GPM6A: variants seen among roughly 807,000 people sequenced by gnomAD.
GPM6A encodes neuronal membrane glycoprotein M6-a.
Under a neutral mutation model 32.1 loss-of-function variants are expected in GPM6A, and 7 were observed. The observed-to-expected ratio is 0.22, with a 90% CI of 0.12 to 0.41. The LOEUF (loss-of-function observed/expected upper bound fraction) is 0.41, where lower values mean the gene tolerates loss of function less well. Ranked by LOEUF, GPM6A falls within the 10% of genes least tolerant of loss-of-function variation. GPM6A has a pLI of 1.00. For missense variants in GPM6A, 235 were observed against 347.2 expected (o/e 0.68, Z 2.57); for synonymous variants, 130 against 123.4 (o/e 1.05, Z -0.35).
intron 1 of GPM6A, among the ~76,000 whole-genome samples, chr4:175,944,086 A>G (rs1272748153): frequency 6.6e-6 from 1 of 152,092 alleles, no homozygotes; most frequent in African/African-American, 2.4e-5. Flanking sequence ...CATGGATTTG[A>G]CTTCTTCCTG....
intron 1 of GPM6A, among the ~76,000 whole-genome samples, chr4:175,982,795 G>T (rs1740856058): frequency 1.3e-5 from 2 of 151,826 alleles, no homozygotes; most frequent in Admixed American, 1.3e-4. Context: ...TTTTATTGAG[G>T]TTGCACTGAA....
At chr4:175,978,476 T>C (rs561401770) in intron 1 of GPM6A, among the ~76,000 whole-genome samples, 2 of 152,172 alleles carry the variant, frequency 1.3e-5, no homozygotes, top group South Asian at 4.1e-4. Context: ...TCTTTTAGAG[T>C]ACCCAAAAAA....
At chr4:175,873,115 G>A (rs951817195) in intron 1 of GPM6A, among the ~76,000 whole-genome samples, 1 of 152,020 alleles carries the variant, frequency 6.6e-6, no homozygotes, top group Non-Finnish European at 1.5e-5. Flanking sequence ...AGATAGATAT[G>A]TTAATTTTCA....
intron 1 of GPM6A, among the ~76,000 whole-genome samples, chr4:175,853,621 G>A (rs905059721): frequency 4.0e-5 from 6 of 150,564 alleles, no homozygotes; most frequent in East Asian, 2.0e-4. Flanking sequence ...CAGTGGAGTC[G>A]TTCTATGCTT....
At chr4:175,770,358 G>T (rs543506722) in intron 1 of GPM6A, among the ~76,000 whole-genome samples, 1 of 152,222 alleles carries the variant, frequency 6.6e-6, no homozygotes, top group South Asian at 2.1e-4. Context: ...CTCTGTGGCT[G>T]CCAGGCTGGC....
chr4:175,839,290 T>C (rs1579556970), intron 1 of GPM6A, among the ~76,000 whole-genome samples: 1 of 152,186 alleles, frequency 6.6e-6, no homozygotes, highest in Non-Finnish European at 1.5e-5. Context: ...ACGAATTCCT[T>C]TGTCAACTGG....
intron 1 of GPM6A, among the ~76,000 whole-genome samples, chr4:175,886,072 G>A (rs1425441625): frequency 6.6e-6 from 1 of 152,090 alleles, no homozygotes; most frequent in Non-Finnish European, 1.5e-5. Flanking sequence ...TCCAAAATGA[G>A]AAAATGTAGA....
chr4:175,774,565 T>C (rs1733318865), intron 1 of GPM6A, among the ~76,000 whole-genome samples: 1 of 152,082 alleles, frequency 6.6e-6, no homozygotes, highest in African/African-American at 2.4e-5. Flanking sequence ...AATACATACA[T>C]TCTTAAGAGA....
chr4:175,740,912 T>G (rs917688448), intron 1 of GPM6A, among the ~76,000 whole-genome samples: 26 of 152,034 alleles, frequency 1.7e-4, no homozygotes, highest in African/African-American at 6.3e-4. Flanking sequence ...GGTAGATCAG[T>G]GCATAAAGAT....
chr4:175,676,294 C>T (rs1743363676), intron 2 of GPM6A, among the ~76,000 whole-genome samples: 1 of 152,112 alleles, frequency 6.6e-6, no homozygotes. Context: ...CCAGCCTTGG[C>T]CTCCTACAGT....
chr4:175,765,379 T>G (rs886073061), intron 1 of GPM6A, among the ~76,000 whole-genome samples: 1 of 152,190 alleles, frequency 6.6e-6, no homozygotes, highest in African/African-American at 2.4e-5. Flanking sequence ...GGAGGGAATC[T>G]CTTAAGAATT....
At chr4:175,921,422 C>T (rs1738661078) in intron 1 of GPM6A, among the ~76,000 whole-genome samples, 1 of 151,886 alleles carries the variant, frequency 6.6e-6, no homozygotes, top group South Asian at 2.1e-4. Context: ...TAATTTTGTT[C>T]ATATATGGAT....
chr4:175,740,042 T>C (rs571870050), intron 1 of GPM6A, among the ~76,000 whole-genome samples: 16 of 152,202 alleles, frequency 1.1e-4, no homozygotes, highest in South Asian at 4.1e-4. Context: ...GTAGAAAATA[T>C]TGTCTCTAAG....
intron 1 of GPM6A, among the ~76,000 whole-genome samples, chr4:175,979,624 C>T (rs200468742): frequency 6.6e-6 from 1 of 151,998 alleles, no homozygotes; most frequent in Non-Finnish European, 1.5e-5. Flanking sequence ...TATAAAAAAA[C>T]TTTATATGGA....
In GPM6A at chr4:175,954,708, A is replaced by G. The variant is rs1247258606; in HGVS notation, c.-23+47601T>C. Among the ~76,000 whole-genome samples the G allele has an allele frequency of 2.6e-5, 4 of 152,202 alleles. No homozygotes were observed. In the East Asian group the frequency reaches 7.7e-4, roughly 29 times the overall value. ...GTTGCACCCGTGTCTTAGCCTTTGT[A>G]GTCCAGCTACATCCCTTTCACAGGG... On this transcript the variant is annotated intron_variant, in intron 1 of 7. Transcript: ENST00000280187.
upstream of GPM6A, chr4:175,813,040 T>G (rs1734990710): frequency 1.0e-6 from 1 of 984,152 alleles, no homozygotes; most frequent in African/African-American, 1.7e-5. Context: ...ATACATGTTT[T>G]AAGTAATTAT....
At chr4:175,704,874 C>A (rs1292933086) in intron 1 of GPM6A, among the ~76,000 whole-genome samples, 3 of 152,074 alleles carry the variant, frequency 2.0e-5, no homozygotes, top group Non-Finnish European at 4.4e-5. Flanking sequence ...GATCCTAGAG[C>A]CTAAAGTTAA....
chr4:175,689,439 T>G (rs1324891797), intron 2 of GPM6A, among the ~76,000 whole-genome samples: 1 of 141,674 alleles, frequency 7.1e-6, no homozygotes. Flanking sequence ...TTAAGTTTAT[T>G]TATAGCGTTT....
At chr4:175,781,209 C>T (rs893458869) in intron 1 of GPM6A, 3 of 152,094 alleles carry the variant, frequency 2.0e-5, no homozygotes, top group East Asian at 3.9e-4. Flanking sequence ...CAACACCCAC[C>T]GTGCGAAAAT....
Sources: gnomAD v4.1 joint callset for allele counts (sites outside exome capture counted in the v4.1 genomes callset) on GRCh38, gnomAD v4.1.1 for gene constraint, MANE v1.5 for transcripts, NCBI Gene and HGNC (gene_info 2026-07-23, HGNC 2026-07-21) for gene names.